MYRFL: variants seen among roughly 807,000 people sequenced by gnomAD.
MYRFL encodes the protein myelin regulatory factor-like protein.
Under a neutral mutation model 109.4 loss-of-function variants are expected in MYRFL, and 88 were observed. The ratio of observed to expected loss-of-function variants is 0.80; its 90% confidence interval spans 0.68 to 0.96. MYRFL has a LOEUF of 0.96. Ranked by LOEUF, MYRFL falls within the 40% of genes least tolerant of loss-of-function variation. MYRFL has a pLI of 0.00. For synonymous variants in MYRFL, 324 were observed against 320.9 expected (o/e 1.01, Z -0.10); for missense variants, 957 against 954.9 (o/e 1.00, Z -0.03).
rs573916063 is a variant in MYRFL at position 69,936,286 on chromosome 12, T to G, written c.1995T>G (p.Asn665Lys). Residue 665 changes from asparagine (N) to lysine (K), a missense_variant, in exon 18 of 25, where the codon AAT (asparagine) becomes AAG (lysine). Coordinates refer to ENST00000552032, the MANE Select transcript of MYRFL (RefSeq NM_182530.3). ...TCATTTCATTCTTTTTCTCCAGCAATATCACAAGCTCACAGGAGCCAGCTC... is the reference window on the plus strand; with the variant it reads ...TCATTTCATTCTTTTTCTCCAGCAAGATCACAAGCTCACAGGAGCCAGCTC... ...DRRVPNLPPS[N>K]ITSSQEPALL... The G allele has an allele frequency of 6.5e-7, 1 of 1,536,082 alleles. No individual in the cohort carries two copies. Among genetic ancestry groups the G allele is most frequent in the East Asian group, 2.4e-5 (1 of 40,884 alleles).
chr12:69,881,638 C>A (rs1320841292), intron 5 of MYRFL, among the ~76,000 whole-genome samples: 2 of 152,242 alleles, frequency 1.3e-5, no homozygotes, highest in African/African-American at 4.8e-5. Context: ...TCCCACCCAT[C>A]TCCTGGGAGT....
At chr12:69,877,852 G>A (rs1008185839) in intron 2 of MYRFL, among the ~76,000 whole-genome samples, 4 of 152,214 alleles carry the variant, frequency 2.6e-5, no homozygotes, top group African/African-American at 9.7e-5. Flanking sequence ...TATGTATGAT[G>A]CAGCATCACA....
chr12:69,910,918 C>T lies in MYRFL; in HGVS notation c.1590C>T (p.Leu530=), dbSNP rs1047103292. 2.3e-5 allele frequency: 35 copies of T among 1,533,438 alleles called. No individual in the cohort carries two copies. Among genetic ancestry groups the T allele is most frequent in the Non-Finnish European group, 3.0e-5 (34 of 1,144,906 alleles). The allele number at this position is 1,533,438 out of a possible 1,614,324, so 95.0% of individuals were successfully genotyped here. Residue 530 remains leucine, a synonymous_variant, in exon 13 of 25, where the codon CTC becomes CTT. Transcript: ENST00000552032. Reference sequence around the variant, plus strand: ...ACGGAGAGACCTTGGAGAACTTCCTCATGGTGGATAAGGTAATCACTGAAA... The same window carrying T: ...ACGGAGAGACCTTGGAGAACTTCCTTATGGTGGATAAGGTAATCACTGAAA... ...CGNGETLENF[L]MVDKDQIFME... is the part of the protein sequence containing the mutation.
intron 19 of MYRFL, among the ~76,000 whole-genome samples, chr12:69,938,562 T>C (rs984292615): frequency 6.6e-6 from 1 of 152,180 alleles, no homozygotes; most frequent in African/African-American, 2.4e-5. Flanking sequence ...GAAAAATTAT[T>C]ATTGCCTGGT....
At chr12:69,866,461 C>G (rs1885021410) in intron 2 of MYRFL, among the ~76,000 whole-genome samples, 1 of 151,994 alleles carries the variant, frequency 6.6e-6, no homozygotes, top group Admixed American at 6.6e-5. Context: ...TTCTAAATAC[C>G]AGGGTATTTA....
At chr12:69,950,453 T>C (rs954928894) in intron 19 of MYRFL, among the ~76,000 whole-genome samples, 2 of 152,220 alleles carry the variant, frequency 1.3e-5, no homozygotes. Context: ...GGAGTAGTTC[T>C]TTCTCCTTGC....
Position 69,878,242 on chromosome 12 carries a change from CAA to C in MYRFL, c.138-769_138-768del, listed in dbSNP as rs60069243. ...TGGGTAACAGAGCAAGACTCCATCT[CAA>C]AAAAAAAAAAAAAAAATTACTTGCA... is the stretch of plus-strand genomic sequence containing the variant. On this transcript the variant is annotated intron_variant, in intron 2 of 24. Coordinates refer to ENST00000552032, the MANE Select transcript of MYRFL (RefSeq NM_182530.3). Among the ~76,000 whole-genome samples, 563 of 112,684 alleles carry C rather than the reference CAA, an allele frequency of 5.0e-3. 3 individuals are homozygous for C. The highest frequency in any genetic ancestry group is 0.012 in the South Asian group (35 of 3,000). The allele number at this position is 112,684 out of a possible 152,430, so 73.9% of individuals were successfully genotyped here. A position where few individuals can be genotyped will look rare whatever the true frequency, so the allele number is the denominator to read the frequency against.
intron 21 of MYRFL, among the ~76,000 whole-genome samples, chr12:69,953,850 C>T (rs1234663710): frequency 6.6e-6 from 1 of 151,930 alleles, no homozygotes; most frequent in African/African-American, 2.4e-5. Context: ...TAGGCACCTC[C>T]TAGATTAAAG....
rs139129998 is a variant in MYRFL at position 69,925,103 on chromosome 12, G to A, written c.1603-1468G>A. 2.3e-3 allele frequency among the ~76,000 whole-genome samples: 357 copies of A among 152,352 alleles called. 1 individual carries two copies. Among genetic ancestry groups the A allele is most frequent in the African/African-American group, 8.3e-3 (346 of 41,592 alleles). On this transcript the variant is annotated intron_variant, in intron 13 of 24. Transcript: ENST00000552032. Reference sequence around the variant, plus strand: ...GAATTGAACATGCTTTGAGGACACTGTAGAGTGAGGGATGCTCTCTGACTA... The same window carrying A: ...GAATTGAACATGCTTTGAGGACACTATAGAGTGAGGGATGCTCTCTGACTA...
intron 1 of MYRFL, among the ~76,000 whole-genome samples, chr12:69,849,196 G>C (rs1316007453): frequency 1.3e-5 from 2 of 152,104 alleles, no homozygotes; most frequent in Admixed American, 1.3e-4. Context: ...TTTGATGTTA[G>C]TTTTCTATCA....
chr12:69,891,511 G>A (rs2870893), intron 7 of MYRFL, among the ~76,000 whole-genome samples: 2,110 of 152,196 alleles, frequency 0.014, 16 homozygotes, highest in Non-Finnish European at 0.023. Context: ...CACCATGGTG[G>A]CTGGCTTCTA....
chr12:69,918,954 G>T (rs528336393), intron 13 of MYRFL, among the ~76,000 whole-genome samples: 1 of 152,072 alleles, frequency 6.6e-6, no homozygotes, highest in Non-Finnish European at 1.5e-5. Context: ...CCTTCCTAGT[G>T]CTAATTACAC....
At chr12:69,917,125 C>A (rs1006226714) in intron 13 of MYRFL, among the ~76,000 whole-genome samples, 3 of 152,114 alleles carry the variant, frequency 2.0e-5, no homozygotes, top group African/African-American at 7.2e-5. Flanking sequence ...ATCATTTGGG[C>A]CTTAGAGCAG....
chr12:69,875,884 A>G (rs1235733632), intron 2 of MYRFL, among the ~76,000 whole-genome samples: 1 of 152,160 alleles, frequency 6.6e-6, no homozygotes, highest in Non-Finnish European at 1.5e-5. Flanking sequence ...GACATTGTGA[A>G]TGGCTGGATT....
intron 10 of MYRFL, among the ~76,000 whole-genome samples, chr12:69,900,825 T>TATTTTTTATGAA (rs1368766474): frequency 2.0e-5 from 3 of 152,220 alleles, no homozygotes; most frequent in Non-Finnish European, 2.9e-5. Context: ...ATTTACATTG[T>TATTTTTTATGAA]ATTTTTTATG....
In MYRFL at chr12:69,936,636, A is replaced by C. The variant is rs1223952458; in HGVS notation, c.2224+4A>C. 1 of 1,502,398 alleles carries C rather than the reference A, an allele frequency of 6.7e-7. No individual in the cohort carries two copies. 93.1% of individuals were successfully genotyped at this position (1,502,398 alleles called of 1,614,324 possible). On this transcript the variant is annotated splice_donor_region_variant and intron_variant, in intron 19 of 24. Transcript: ENST00000552032. ...TTCCATCAGAGGCGATGGTCAGGTAAATGATGTTCAAAGAGAAACAACTAG... is the reference window on the plus strand; with the variant it reads ...TTCCATCAGAGGCGATGGTCAGGTACATGATGTTCAAAGAGAAACAACTAG...
At chr12:69,919,371 G>A (rs570650473) in intron 13 of MYRFL, among the ~76,000 whole-genome samples, 3 of 152,260 alleles carry the variant, frequency 2.0e-5, no homozygotes, top group South Asian at 2.1e-4. Flanking sequence ...AAAATTAAAC[G>A]AGGATTCTAA....
At position 69,936,640 on chromosome 12, in the gene MYRFL, A is replaced by T; in HGVS notation, c.2224+8A>T. ...ATCAGAGGCGATGGTCAGGTAAATG[A>T]TGTTCAAAGAGAAACAACTAGAGCT... On this transcript the variant is annotated splice_region_variant and intron_variant, in intron 19 of 24. Coordinates refer to ENST00000552032, the MANE Select transcript of MYRFL (RefSeq NM_182530.3). 2 of 1,498,028 alleles carry T rather than the reference A, an allele frequency of 1.3e-6. No individual in the cohort carries two copies. The highest frequency in any genetic ancestry group is 1.8e-6 in the Non-Finnish European group (2 of 1,126,328). The allele number at this position is 1,498,028 out of a possible 1,614,324, so 92.8% of individuals were successfully genotyped here.
At chr12:69,911,425 G>A (rs1732710) in intron 13 of MYRFL, among the ~76,000 whole-genome samples, 114,410 of 152,096 alleles carry the variant, frequency 0.75, 43,136 homozygotes, top group East Asian at 0.79. Context: ...TTTTTTTGAT[G>A]AAACGGTGTT....
Sources: allele counts gnomAD v4.1 joint callset (sites outside exome capture counted in the v4.1 genomes callset), GRCh38; gene constraint gnomAD v4.1.1; transcripts MANE v1.5; gene names NCBI Gene and HGNC (gene_info 2026-07-23, HGNC 2026-07-21).